Variants in NPAS3 observed in about 807,000 individuals in gnomAD.
NPAS3 encodes neuronal PAS domain protein 3.
NPAS3 carries 14 observed loss-of-function variants against 73.1 expected under a neutral mutation model. That is an observed-to-expected ratio of 0.19 (90% CI 0.13 to 0.30). NPAS3 has a LOEUF of 0.30. Ranked by LOEUF, NPAS3 falls within the 10% of genes least tolerant of loss-of-function variation. The pLI, the probability that NPAS3 is intolerant of heterozygous loss-of-function variation, is 1.00. For synonymous variants in NPAS3, 620 were observed against 541.5 expected (o/e 1.14, Z -2.01); for missense variants, 1,096 against 1,250.0 (o/e 0.88, Z 1.86).
intron 5 of NPAS3, among the ~76,000 whole-genome samples, chr14:33,644,441 A>G (rs2058764815): frequency 6.6e-6 from 1 of 152,216 alleles, no homozygotes; most frequent in African/African-American, 2.4e-5. Context: ...TCATTTGGCC[A>G]GCCATTGGGT....
intron 1 of NPAS3, among the ~76,000 whole-genome samples, chr14:33,052,848 CT>C (rs953429659): frequency 4.0e-4 from 59 of 149,234 alleles, no homozygotes; most frequent in African/African-American, 7.6e-4. Context: ...ATTACTTGAA[CT>C]TTTTTTTTTA....
intron 1 of NPAS3, among the ~76,000 whole-genome samples, chr14:32,959,436 A>G (rs1430867954): frequency 1.3e-5 from 2 of 152,254 alleles, no homozygotes; most frequent in Non-Finnish European, 1.5e-5. Context: ...CTTGAGTCTA[A>G]TGTTATTAAA....
chr14:33,699,133 T>C (rs913636559), intron 6 of NPAS3, among the ~76,000 whole-genome samples: 5 of 152,218 alleles, frequency 3.3e-5, no homozygotes. Flanking sequence ...TATACCCTTC[T>C]GTGCTGTTTT....
chr14:33,582,423 G>A lies in NPAS3; in HGVS notation c.558+22213G>A, dbSNP rs906771048. Among the ~76,000 whole-genome samples the A allele has an allele frequency of 6.6e-5, 10 of 152,178 alleles. No homozygotes were observed. In the East Asian group the frequency reaches 1.9e-3, roughly 29 times the overall value. Reference sequence around the variant, plus strand: ...GAAGCAATGTGGTTTTTATGTTGCTGTAGAATTTGCACAGGACTTTGCTAT... The same window carrying A: ...GAAGCAATGTGGTTTTTATGTTGCTATAGAATTTGCACAGGACTTTGCTAT... On this transcript the variant is annotated intron_variant, in intron 5 of 11. Transcript: ENST00000356141.
chr14:33,336,157 A>G (rs1239755243), intron 3 of NPAS3, among the ~76,000 whole-genome samples: 3 of 152,164 alleles, frequency 2.0e-5, no homozygotes, highest in East Asian at 3.9e-4. Context: ...TGTATTTTCT[A>G]TTAGTTTTTC....
At chr14:33,741,246 C>T (rs1248384670) in intron 7 of NPAS3, among the ~76,000 whole-genome samples, 5 of 152,138 alleles carry the variant, frequency 3.3e-5, no homozygotes, top group Non-Finnish European at 7.3e-5. Flanking sequence ...TTTGTGTTGT[C>T]GTGAAATGAT....
intron 4 of NPAS3, among the ~76,000 whole-genome samples, chr14:33,551,249 G>A (rs945536784): frequency 1.4e-4 from 21 of 152,148 alleles, no homozygotes; most frequent in African/African-American, 3.4e-4. Flanking sequence ...TAGTGTCTGC[G>A]GTCTCTAAAT....
intron 4 of NPAS3, among the ~76,000 whole-genome samples, chr14:33,479,246 G>A (rs924003730): frequency 5.9e-5 from 9 of 152,046 alleles, no homozygotes; most frequent in African/African-American, 2.2e-4. Flanking sequence ...AATGTTAAAT[G>A]CATGCATGTT....
chr14:33,523,660 A>T (rs2053661445), intron 4 of NPAS3, among the ~76,000 whole-genome samples: 2 of 151,158 alleles, frequency 1.3e-5, no homozygotes, highest in Non-Finnish European at 2.9e-5. Flanking sequence ...GGCACCTGTA[A>T]TCCCACCTAT....
At chr14:33,623,938 T>C (rs577563466) in intron 5 of NPAS3, among the ~76,000 whole-genome samples, 2 of 152,330 alleles carry the variant, frequency 1.3e-5, no homozygotes, top group Admixed American at 1.3e-4. Context: ...CAGGTACTCC[T>C]GTTTCCTCTG....
At chr14:33,801,112 C>A, downstream of NPAS3, 1 of 1,574,340 alleles carries the variant, frequency 6.4e-7, no homozygotes, top group South Asian at 1.2e-5. Context: ...AGGACTGAGG[C>A]GCCGCCCGTC....
chr14:33,470,234 GC>G (rs2050722331), intron 4 of NPAS3, among the ~76,000 whole-genome samples: 2 of 152,284 alleles, frequency 1.3e-5, no homozygotes, highest in South Asian at 2.1e-4. Context: ...ACAAAGTTGT[GC>G]CCAGTTTCAA....
chr14:33,549,944 G>A lies in NPAS3; in HGVS notation c.469-10177G>A, dbSNP rs527900101. ...GTCATCGAAGTACAATCAGAAAGAG[G>A]AAGAAAATTCCAGTTTCTCTTTTCA... is the stretch of plus-strand genomic sequence containing the variant. On this transcript the variant is annotated intron_variant, in intron 4 of 11. Coordinates refer to ENST00000356141, the Ensembl canonical transcript of NPAS3. Among the ~76,000 whole-genome samples, 3 of 152,202 alleles carry A rather than the reference G, an allele frequency of 2.0e-5. No homozygotes were observed. The South Asian group carries it at 6.2e-4, about 32-fold the overall frequency.
At chr14:33,746,775 G>A (rs1294522576) in intron 7 of NPAS3, among the ~76,000 whole-genome samples, 1 of 151,800 alleles carries the variant, frequency 6.6e-6, no homozygotes, top group Non-Finnish European at 1.5e-5. Flanking sequence ...TTAAGTTTTA[G>A]GGTACATGTG....
chr14:33,672,864 G>C (rs2059650981), intron 5 of NPAS3, among the ~76,000 whole-genome samples: 1 of 152,138 alleles, frequency 6.6e-6, no homozygotes, highest in Admixed American at 6.6e-5. Context: ...TAAATCAGGA[G>C]GTATTAATAG....
At chr14:33,782,621 G>T (rs2063011545) in intron 9 of NPAS3, among the ~76,000 whole-genome samples, 1 of 152,096 alleles carries the variant, frequency 6.6e-6, no homozygotes, top group African/African-American at 2.4e-5. Flanking sequence ...GAGGCTCAAG[G>T]CTCTGGAGCT....
chr14:33,800,260 G>A lies in NPAS3; in HGVS notation c.1953G>A (p.Glu651=), dbSNP rs1595643001. Residue 651 remains glutamate, a synonymous_variant, in exon 12 of 12, where the codon GAG becomes GAA. Coordinates refer to ENST00000356141, the Ensembl canonical transcript of NPAS3. This position sits in a 1 kb window ranked among gnomAD's most constrained non-coding sequence, Gnocchi z 6.5. The stretch of plus-strand genomic sequence containing the variant: ...CCTCGGTGCTCAAGATCAAGACGGA[G>A]ATCTCAGAACCCATCAATTTCGACA... 2 of 1,613,388 alleles carry A rather than the reference G, an allele frequency of 1.2e-6. No individual in the cohort carries two copies. Among genetic ancestry groups the A allele is most frequent in the Non-Finnish European group, 1.7e-6 (2 of 1,179,680 alleles).
intron 4 of NPAS3, among the ~76,000 whole-genome samples, chr14:33,541,099 GT>G (rs879622997): frequency 0.025 from 3,647 of 148,578 alleles, 138 homozygotes; most frequent in African/African-American, 0.082. Context: ...GTTTAGAGGT[GT>G]GTGTGTGTGT....
intron 6 of NPAS3, among the ~76,000 whole-genome samples, chr14:33,680,329 G>A (rs1370130382): frequency 6.6e-6 from 1 of 152,182 alleles, no homozygotes; most frequent in African/African-American, 2.4e-5. Context: ...GGCTGTAAAA[G>A]TGTTGTGTTT....
Sources: gnomAD v4.1 joint callset for allele counts (sites outside exome capture counted in the v4.1 genomes callset) on GRCh38, gnomAD v4.1.1 for gene constraint, Gnocchi (gnomAD v3.1) non-coding constraint, MANE v1.5 for transcripts, NCBI Gene and HGNC (gene_info 2026-07-23, HGNC 2026-07-21) for gene names.